The following LDB2 variants were observed in gnomAD, a reference collection of about 807,000 sequenced individuals.
LDB2 encodes LIM domain binding 2.
A neutral mutation model predicts 44.3 loss-of-function variants in LDB2; 12 were observed. That is an observed-to-expected ratio of 0.27 (90% CI 0.17 to 0.44). The LOEUF (loss-of-function observed/expected upper bound fraction) is 0.44. Ranked by LOEUF, LDB2 falls within the 20% of genes least tolerant of loss-of-function variation. The pLI is 1.00. For synonymous variants in LDB2, 164 were observed against 174.8 expected (o/e 0.94, Z 0.49); for missense variants, 344 against 473.5 (o/e 0.73, Z 2.54).
intron 1 of LDB2, among the ~76,000 whole-genome samples, chr4:16,761,200 T>C (rs2109233040): frequency 6.6e-6 from 1 of 152,284 alleles, no homozygotes; most frequent in Non-Finnish European, 1.5e-5. Context: ...GCTTAGGCAG[T>C]AAATGTCACT....
At chr4:16,874,291 A>G (rs1030723235) in intron 1 of LDB2, among the ~76,000 whole-genome samples, 3 of 152,168 alleles carry the variant, frequency 2.0e-5, no homozygotes, top group Non-Finnish European at 2.9e-5. Flanking sequence ...GTGAGAAAGA[A>G]GGTTACAAGA....
chr4:16,626,066 T>A (rs6812377), intron 2 of LDB2, among the ~76,000 whole-genome samples: 58,182 of 152,072 alleles, frequency 0.38, 11,358 homozygotes, highest in East Asian at 0.58. Flanking sequence ...GATTGAACCA[T>A]GGCTTTGTGC....
At chr4:16,705,990 G>A (rs1754519884) in intron 2 of LDB2, among the ~76,000 whole-genome samples, 1 of 151,966 alleles carries the variant, frequency 6.6e-6, no homozygotes, top group Admixed American at 6.6e-5. Context: ...AAATAAACAG[G>A]CAAATCTTGT....
At chr4:16,874,110 T>C (rs1717639175) in intron 1 of LDB2, among the ~76,000 whole-genome samples, 1 of 152,050 alleles carries the variant, frequency 6.6e-6, no homozygotes, top group Non-Finnish European at 1.5e-5. Flanking sequence ...ATAGCATCAT[T>C]TAAAAATATC....
chr4:16,595,944 AT>A (rs1720776469), intron 2 of LDB2, 69 bp from the exon 3 acceptor site: 2 of 1,462,420 alleles, frequency 1.4e-6, no homozygotes, highest in Admixed American at 3.9e-5. Context: ...ACCCAACACC[AT>A]TGCCAAACCT....
intron 2 of LDB2, among the ~76,000 whole-genome samples, chr4:16,724,440 G>T (rs553076799): frequency 6.6e-6 from 1 of 151,710 alleles, no homozygotes; most frequent in Non-Finnish European, 1.5e-5. Flanking sequence ...TCAAAGTCAT[G>T]AATCCTGTCT....
intron 1 of LDB2, among the ~76,000 whole-genome samples, chr4:16,877,349 T>G (rs180947692): frequency 4.6e-4 from 70 of 152,342 alleles, no homozygotes; most frequent in African/African-American, 1.6e-3. Context: ...TCTAGGGATC[T>G]TTCAAGCTTT....
intron 2 of LDB2, among the ~76,000 whole-genome samples, chr4:16,625,081 G>A (rs1330200692): frequency 2.6e-5 from 4 of 151,970 alleles, no homozygotes; most frequent in East Asian, 1.9e-4. Context: ...CCTGATCCCC[G>A]CTTACCTCTT....
intron 1 of LDB2, among the ~76,000 whole-genome samples, chr4:16,806,790 T>C (rs918788563): frequency 1.1e-4 from 16 of 152,192 alleles, no homozygotes; most frequent in South Asian, 4.1e-4. Flanking sequence ...GCCTGGGTTG[T>C]ATTCCCAGCT....
At chr4:16,612,814 A>G (rs542673510) in intron 2 of LDB2, among the ~76,000 whole-genome samples, 1 of 152,286 alleles carries the variant, frequency 6.6e-6, no homozygotes, top group South Asian at 2.1e-4. Context: ...ACTATTCCAA[A>G]CAGCTGAAAA....
At chr4:16,509,236 C>G (rs1437240987) in intron 6 of LDB2, among the ~76,000 whole-genome samples, 1 of 152,172 alleles carries the variant, frequency 6.6e-6, no homozygotes, top group Non-Finnish European at 1.5e-5. Context: ...CAAGTAAAGT[C>G]AGTTCCATCA....
rs797020559 is a variant in LDB2, at chr4:16,581,958, TAAAA to T, written c.615+3960_615+3963del. On this transcript the variant is annotated intron_variant, in intron 5 of 7. Transcript: ENST00000304523. The stretch of plus-strand genomic sequence containing the variant: ...AAAGAAAGGAAGGGAGGGAGGGAAA[TAAAA>T]GAAAGAAGGAAGGAAGGAAGGGAAG... Among the ~76,000 whole-genome samples the T allele has an allele frequency of 3.1e-3, 295 of 94,502 alleles. 1 individual carries two copies. Among genetic ancestry groups the T allele is most frequent in the African/African-American group, 0.011 (268 of 23,570 alleles). The allele number at this position is 94,502 out of a possible 152,430, so 62.0% of individuals were successfully genotyped here. A position where few individuals can be genotyped will look rare whatever the true frequency, so the allele number is the denominator to read the frequency against.
At chr4:16,858,113 C>A (rs1789744638) in intron 1 of LDB2, among the ~76,000 whole-genome samples, 1 of 152,092 alleles carries the variant, frequency 6.6e-6, no homozygotes, top group Admixed American at 6.6e-5. Flanking sequence ...AAATTCTTTG[C>A]CTGCGTTATC....
chr4:16,680,982 A>G (rs1747685370), intron 2 of LDB2, among the ~76,000 whole-genome samples: 1 of 152,222 alleles, frequency 6.6e-6, no homozygotes, highest in Non-Finnish European at 1.5e-5. Flanking sequence ...GGCAAAATTC[A>G]AAGATGCGCC....
At chr4:16,888,916 A>G (rs895723978) in intron 1 of LDB2, among the ~76,000 whole-genome samples, 8 of 152,154 alleles carry the variant, frequency 5.3e-5, no homozygotes, top group Admixed American at 1.3e-4. Context: ...CTGTCTTACT[A>G]TAAGTCATAC....
intron 5 of LDB2, among the ~76,000 whole-genome samples, chr4:16,514,425 G>A (rs1320029316): frequency 1.3e-5 from 2 of 152,186 alleles, no homozygotes; most frequent in African/African-American, 4.8e-5. Flanking sequence ...AATAGAGACA[G>A]CAAGACTTGC....
chr4:16,514,707 C>T (rs998084186), intron 5 of LDB2, among the ~76,000 whole-genome samples: 24 of 152,254 alleles, frequency 1.6e-4, no homozygotes, highest in Admixed American at 1.2e-3. Context: ...ATCACAGGGG[C>T]CAAGACACCA....
chr4:16,872,929 G>C (rs1717133215), intron 1 of LDB2, among the ~76,000 whole-genome samples: 1 of 152,154 alleles, frequency 6.6e-6, no homozygotes, highest in Non-Finnish European at 1.5e-5. Flanking sequence ...ATCATTGTCG[G>C]GGAGCCCACG....
At chr4:16,828,973 A>AGAAGATGG (rs1196139089) in intron 1 of LDB2, among the ~76,000 whole-genome samples, 1 of 152,228 alleles carries the variant, frequency 6.6e-6, no homozygotes, top group Non-Finnish European at 1.5e-5. Flanking sequence ...GCGTGGCTGA[A>AGAAGATGG]GAAGATGGGT....
Sources: allele counts gnomAD v4.1 joint callset (sites outside exome capture counted in the v4.1 genomes callset), GRCh38; gene constraint gnomAD v4.1.1; transcripts MANE v1.5; gene names NCBI Gene and HGNC (gene_info 2026-07-23, HGNC 2026-07-21).